Variants in RIMS1 observed in about 807,000 individuals in gnomAD.
RIMS1 encodes regulating synaptic membrane exocytosis protein 1.
In RIMS1, 83 loss-of-function variants were observed where a neutral mutation model predicts 214.1. That is an observed-to-expected ratio of 0.39 (90% CI 0.32 to 0.47). RIMS1 has a LOEUF of 0.47. Among genes scored for constraint, RIMS1 ranks in the 20% least tolerant of loss-of-function variants. The pLI is 0.99. For missense variants in RIMS1, 2,050 were observed against 2,161.8 expected, an observed-to-expected ratio of 0.95 and a Z score of 1.03; for synonymous variants, 793 against 786.8, an observed-to-expected ratio of 1.01 and a Z score of -0.13.
rs1337273935 is a variant in RIMS1, at chr6:72,182,598, G to A, written c.1127G>A (p.Arg376His). ...CCGCCGCCTGAGGAGCAGCAGATGCGCATGCACGCCCGGGTGTCCCGCGCC... is the reference window on the plus strand; with the variant it reads ...CCGCCGCCTGAGGAGCAGCAGATGCACATGCACGCCCGGGTGTCCCGCGCC... ...VKPPPEEQQM[R>H]MHARVSRARH... is the part of the protein sequence containing the mutation. Residue 376 changes from arginine (R) to histidine (H), a missense_variant, in exon 6 of 34, where the codon CGC becomes CAC. By Grantham distance (29) the Arg-to-His change is conservative. This residue lies in a region of RIMS1 where 882 missense variants were observed against 828.9 expected (regional missense o/e 1.06). Coordinates refer to ENST00000521978, the MANE Select transcript of RIMS1 (RefSeq NM_014989.7). 6 of 1,548,524 alleles carry A rather than the reference G, an allele frequency of 3.9e-6. No homozygotes were observed. The highest frequency in any genetic ancestry group is 2.7e-5 in the African/African-American group (2 of 72,976).
chr6:72,295,668 A>G (rs988225432), intron 26 of RIMS1, among the ~76,000 whole-genome samples: 49 of 151,820 alleles, frequency 3.2e-4, no homozygotes, highest in African/African-American at 1.2e-3. Flanking sequence ...ATAATACAGA[A>G]TATATTTTTC....
At chr6:72,398,932 T>C (rs761785185) in intron 32 of RIMS1, 23 bp from the exon 33 acceptor site, 15 of 1,415,550 alleles carry the variant, frequency 1.1e-5, no homozygotes, top group Non-Finnish European at 3.9e-6. Context: ...TAATTTCTTA[T>C]ATGTTAATAT....
chr6:72,156,829 C>T lies in RIMS1; in HGVS notation c.472-22746C>T, dbSNP rs1432891370. The stretch of plus-strand genomic sequence containing the variant: ...ATTAATGTGAAAATGCTTACAAGTG[C>T]GAAAGCATTTATCCACATGTAATTA... On this transcript the variant is annotated intron_variant, in intron 4 of 33. Coordinates refer to ENST00000521978, the MANE Select transcript of RIMS1 (RefSeq NM_014989.7). 3.6e-5 allele frequency among the ~76,000 whole-genome samples: 5 copies of T among 140,296 alleles called. 2 individuals are homozygous for T. Among genetic ancestry groups the T allele is most frequent in the Admixed American group, 2.9e-4 (4 of 13,696 alleles). The allele number at this position is 140,296 out of a possible 152,430, so 92.0% of individuals were successfully genotyped here.
At chr6:72,125,645 G>T (rs979510576) in intron 4 of RIMS1, among the ~76,000 whole-genome samples, 1 of 152,242 alleles carries the variant, frequency 6.6e-6, no homozygotes, top group Non-Finnish European at 1.5e-5. Context: ...GGTCCACCCA[G>T]TTCGAGCTTC....
chr6:72,062,855 G>A (rs1305543400), intron 2 of RIMS1, among the ~76,000 whole-genome samples: 1 of 151,976 alleles, frequency 6.6e-6, no homozygotes, highest in African/African-American at 2.4e-5. Context: ...ATCTTCACAA[G>A]GCACATCATC....
At chr6:72,392,601 T>G (rs2154442529) in intron 30 of RIMS1, 97 bp from the exon 31 acceptor site, 2 of 849,536 alleles carry the variant, frequency 2.4e-6, no homozygotes, top group East Asian at 5.0e-5. Flanking sequence ...GTAATATTTA[T>G]GTTTCATGAT....
At chr6:72,283,578 T>A (rs2091179038) in intron 23 of RIMS1, among the ~76,000 whole-genome samples, 1 of 152,112 alleles carries the variant, frequency 6.6e-6, no homozygotes, top group Non-Finnish European at 1.5e-5. Flanking sequence ...TCTTCACAAT[T>A]TGTGGGGGAC....
intron 1 of RIMS1, among the ~76,000 whole-genome samples, chr6:71,915,569 C>T (rs1042967290): frequency 1.3e-5 from 2 of 152,230 alleles, no homozygotes; most frequent in Admixed American, 6.6e-5. Context: ...AATATGGCTA[C>T]TAAGAATGTC....
chr6:72,325,922 T>A (rs191885828), intron 28 of RIMS1, among the ~76,000 whole-genome samples: 63 of 151,974 alleles, frequency 4.1e-4, no homozygotes, highest in African/African-American at 1.3e-3. Flanking sequence ...CCCTGTGTTA[T>A]GACCACTGAA....
chr6:72,270,445 A>G (rs2082480281), intron 22 of RIMS1, among the ~76,000 whole-genome samples: 2 of 152,092 alleles, frequency 1.3e-5, no homozygotes, highest in African/African-American at 2.4e-5. Context: ...AACATGATGT[A>G]TTTTTTACTT....
At chr6:72,324,234 G>A (rs959331395) in intron 28 of RIMS1, among the ~76,000 whole-genome samples, 3 of 151,872 alleles carry the variant, frequency 2.0e-5, no homozygotes, top group Non-Finnish European at 2.9e-5. Context: ...AACATCTTGT[G>A]GTAGTTAAAA....
rs1399975277 is a variant in RIMS1 at position 72,146,098 on chromosome 6, T to C, written c.472-33477T>C. 2.0e-5 allele frequency among the ~76,000 whole-genome samples: 3 copies of C among 152,354 alleles called. No homozygotes were observed. In the East Asian group the frequency reaches 5.8e-4, roughly 29 times the overall value. On this transcript the variant is annotated intron_variant, in intron 4 of 33. Transcript: ENST00000521978. ...AAAAAATGATTACTTCAGTCCTTTA[T>C]TAGTTTAGTTCATTCAGTTAATTCT...
At chr6:71,955,141 T>C (rs1790853700) in intron 1 of RIMS1, among the ~76,000 whole-genome samples, 1 of 152,080 alleles carries the variant, frequency 6.6e-6, no homozygotes, top group African/African-American at 2.4e-5. Context: ...TAAGCTATTA[T>C]GAATAAGACT....
intron 1 of RIMS1, among the ~76,000 whole-genome samples, chr6:71,960,225 T>A (rs1792520904): frequency 6.6e-6 from 1 of 152,122 alleles, no homozygotes; most frequent in African/African-American, 2.4e-5. Context: ...TCTCTCTCAA[T>A]GAAGTCGGTG....
At chr6:72,010,413 C>T (rs1413363338) in intron 2 of RIMS1, among the ~76,000 whole-genome samples, 2 of 152,138 alleles carry the variant, frequency 1.3e-5, no homozygotes, top group Non-Finnish European at 2.9e-5. Flanking sequence ...CCTTTGAAAA[C>T]TGGCACAAGA....
chr6:72,211,676 AAGTC>A (rs1468124091), intron 6 of RIMS1, among the ~76,000 whole-genome samples: 1 of 152,142 alleles, frequency 6.6e-6, no homozygotes, highest in Non-Finnish European at 1.5e-5. Flanking sequence ...TGTGATTTGA[AAGTC>A]AGATTAATTT....
chr6:72,097,705 G>A (rs1331893828), intron 3 of RIMS1, among the ~76,000 whole-genome samples: 1 of 152,076 alleles, frequency 6.6e-6, no homozygotes, highest in Non-Finnish European at 1.5e-5. Flanking sequence ...ATTGAGATTT[G>A]CACTTCTCAT....
In RIMS1 at chr6:72,104,032, T is replaced by C. The variant is rs534183160; in HGVS notation, c.471+4046T>C. On this transcript the variant is annotated intron_variant, in intron 4 of 33. Transcript: ENST00000521978. ...AAAGTTTTAGAAGTTCATTTTTTTC[T>C]TCTCTGGGGATTCTTTATTTCTCTA... 3.0e-4 allele frequency among the ~76,000 whole-genome samples: 45 copies of C among 152,318 alleles called. No individual in the cohort carries two copies. In the South Asian group the frequency reaches 8.5e-3, roughly 29 times the overall value.
intron 2 of RIMS1, among the ~76,000 whole-genome samples, chr6:72,026,870 C>A (rs180780929): frequency 1.2e-4 from 18 of 152,276 alleles, no homozygotes; most frequent in African/African-American, 4.3e-4. Context: ...TTCTAAATTA[C>A]TTCTGATTCT....
Sources: allele counts gnomAD v4.1 joint callset (sites outside exome capture counted in the v4.1 genomes callset), GRCh38; gene constraint gnomAD v4.1.1; regional missense constraint gnomAD v4.1.1; transcripts MANE v1.5; gene names NCBI Gene and HGNC (gene_info 2026-07-23, HGNC 2026-07-21).